DNM1: variants seen among roughly 807,000 people sequenced by gnomAD.
DNM1 encodes the protein dynamin 1.
A neutral mutation model predicts 104.6 loss-of-function variants in DNM1; 29 were observed. That is an observed-to-expected ratio of 0.28 (90% CI 0.21 to 0.38). The LOEUF (loss-of-function observed/expected upper bound fraction) is 0.38. Ranked by LOEUF, DNM1 falls within the 10% of genes least tolerant of loss-of-function variation. The pLI is 1.00. For synonymous variants in DNM1, 445 were observed against 475.8 expected (o/e 0.94, Z 0.84); for missense variants, 640 against 1,189.4 (o/e 0.54, Z 6.79).
intron 1 of DNM1, among the ~76,000 whole-genome samples, chr9:128,216,575 T>C (rs1834617072): frequency 1.3e-5 from 2 of 152,158 alleles, no homozygotes; most frequent in Admixed American, 1.3e-4. Context: ...ATGATGAATA[T>C]ACACAGGGCT....
chr9:128,225,079 C>A (rs117142616), intron 10 of DNM1, among the ~76,000 whole-genome samples: 217 of 152,266 alleles, frequency 1.4e-3, no homozygotes, highest in South Asian at 5.6e-3. Flanking sequence ...TTTCACAGCA[C>A]GAACACTGAA....
At position 128,245,094 on chromosome 9, in the gene DNM1, C is replaced by A. The variant is rs373054565; in HGVS notation, c.1672-1300C>A. 2 of 236,794 alleles carry A rather than the reference C, an allele frequency of 8.4e-6. No individual in the cohort carries two copies. The highest frequency in any genetic ancestry group is 1.1e-4 in the East Asian group (1 of 9,356). The allele number at this position is 236,794 out of a possible 1,614,324, so 14.7% of individuals were successfully genotyped here. A position where few individuals can be genotyped will look rare whatever the true frequency, so the allele number is the denominator to read the frequency against. On this transcript the variant is annotated intron_variant, in intron 15 of 21. Transcript: ENST00000372923. This position sits in a 1 kb window ranked among gnomAD's most constrained non-coding sequence, Gnocchi z 5.2. ...GGAGGAGGCCGCTCCTACCTAGTGTCCAACCCCGAAGCACAGGGCGGGTGG... is the reference window on the plus strand; with the variant it reads ...GGAGGAGGCCGCTCCTACCTAGTGTACAACCCCGAAGCACAGGGCGGGTGG...
rs752571525 is a variant in DNM1, at chr9:128,244,985, T to G, written c.1672-1409T>G. The G allele has an allele frequency of 1.4e-5, 4 of 277,586 alleles. No individual in the cohort carries two copies. The East Asian group carries it at 2.9e-4, about 20-fold the overall frequency. 17.2% of individuals were successfully genotyped at this position (277,586 alleles called of 1,614,324 possible). A position where few individuals can be genotyped will look rare whatever the true frequency, so the allele number is the denominator to read the frequency against. On this transcript the variant is annotated intron_variant, in intron 15 of 21. Coordinates refer to ENST00000372923, the MANE Select transcript of DNM1 (RefSeq NM_004408.4). Reference sequence around the variant, plus strand: ...CTCCCAACTCCCCTTCTGCCTCCTTTGACGTGGCAGGGGTGAGCGGGAGCT... The same window carrying G: ...CTCCCAACTCCCCTTCTGCCTCCTTGGACGTGGCAGGGGTGAGCGGGAGCT...
At chr9:128,242,914 G>A (rs1836468796) in intron 15 of DNM1, among the ~76,000 whole-genome samples, 1 of 151,980 alleles carries the variant, frequency 6.6e-6, no homozygotes, top group African/African-American at 2.4e-5. Context: ...GGGAGGGTGG[G>A]CAGGGGACTT....
intron 21 of DNM1, chr9:128,251,632 A>ACCCC (rs200535768): frequency 2.0e-4 from 24 of 120,798 alleles, no homozygotes; most frequent in Admixed American, 8.1e-4. Context: ...CCTCCCCCCA[A>ACCCC]CCACCCCCTC....
At chr9:128,206,996 A>G (rs1834011572) in intron 1 of DNM1, among the ~76,000 whole-genome samples, 1 of 151,876 alleles carries the variant, frequency 6.6e-6, no homozygotes. Flanking sequence ...CAGAAGGAGA[A>G]TGGTGGGTGG....
chr9:128,214,006 A>G (rs890904800), intron 1 of DNM1, among the ~76,000 whole-genome samples: 1 of 151,766 alleles, frequency 6.6e-6, no homozygotes, highest in Non-Finnish European at 1.5e-5. Context: ...TTCTTGGCCT[A>G]CCCACTCCCT....
At chr9:128,214,833 G>A (rs1564325046) in intron 1 of DNM1, among the ~76,000 whole-genome samples, 1 of 152,248 alleles carries the variant, frequency 6.6e-6, no homozygotes, top group African/African-American at 2.4e-5. Flanking sequence ...AGGCTGGTGG[G>A]CCTGATACTT....
At chr9:128,221,904 A>G (rs1005424268) in intron 6 of DNM1, among the ~76,000 whole-genome samples, 2 of 152,162 alleles carry the variant, frequency 1.3e-5, no homozygotes, top group Non-Finnish European at 2.9e-5. Flanking sequence ...GTCTCAAAAA[A>G]ATAATAATAA....
intron 15 of DNM1, chr9:128,244,714 G>A (rs773377969): frequency 9.4e-6 from 5 of 529,874 alleles, no homozygotes; most frequent in African/African-American, 5.8e-5. Context: ...CTCCAGTGGC[G>A]GCGGTGCCGA....
chr9:128,236,068 C>T (rs1186637020), intron 11 of DNM1, among the ~76,000 whole-genome samples: 2 of 152,126 alleles, frequency 1.3e-5, no homozygotes, highest in Non-Finnish European at 2.9e-5. Flanking sequence ...CTCTTTGGGC[C>T]TCTCTTTGTC....
chr9:128,250,990 G>A (rs1224561961), intron 21 of DNM1, 50 bp downstream of exon 21: 4 of 1,158,690 alleles, frequency 3.5e-6, no homozygotes, highest in Non-Finnish European at 4.9e-6. Context: ...GGGCGTGGCC[G>A]GGAGGGAAAT....
intron 10 of DNM1, chr9:128,232,199 C>T: frequency 2.6e-6 from 1 of 385,990 alleles, no homozygotes; most frequent in East Asian, 7.5e-5. Flanking sequence ...CTCCTCCAAA[C>T]TCTACCCTGG....
intron 4 of DNM1, among the ~76,000 whole-genome samples, chr9:128,219,536 G>T (rs550297155): frequency 6.6e-6 from 1 of 152,094 alleles, no homozygotes; most frequent in South Asian, 2.1e-4. Flanking sequence ...GGGCACCGTG[G>T]TGCACGCTTG....
rs370675238 is a variant in DNM1 at position 128,245,048 on chromosome 9, G to C, written c.1672-1346G>C. The C allele has an allele frequency of 7.6e-6, 2 of 263,504 alleles. No homozygotes were observed. Among genetic ancestry groups the C allele is most frequent in the Non-Finnish European group, 1.6e-5 (2 of 126,740 alleles). 16.3% of individuals were successfully genotyped at this position (263,504 alleles called of 1,614,324 possible). A position where few individuals can be genotyped will look rare whatever the true frequency, so the allele number is the denominator to read the frequency against. On this transcript the variant is annotated intron_variant, in intron 15 of 21. Coordinates refer to ENST00000372923, the MANE Select transcript of DNM1 (RefSeq NM_004408.4). This position sits in a 1 kb window ranked among gnomAD's most constrained non-coding sequence, Gnocchi z 5.2. ...GAGGGGCCTGAGGAGGGGGCCGGCCGGCAGGAAGGGAGGGGTGGGGGGAGG... is the reference window on the plus strand; with the variant it reads ...GAGGGGCCTGAGGAGGGGGCCGGCCCGCAGGAAGGGAGGGGTGGGGGGAGG...
rs936441032 is a variant in DNM1, at chr9:128,240,205, C to G, written c.1557+209C>G. Among the ~76,000 whole-genome samples the G allele has an allele frequency of 2.6e-5, 4 of 152,220 alleles. No individual in the cohort carries two copies. The highest frequency in any genetic ancestry group is 9.7e-5 in the African/African-American group (4 of 41,450). On this transcript the variant is annotated intron_variant, in intron 14 of 21. Coordinates refer to ENST00000372923, the MANE Select transcript of DNM1 (RefSeq NM_004408.4). The surrounding 1 kb of genome is among the most constrained non-coding windows in gnomAD (Gnocchi z 5.1). ...GTGTGCACGAGCCAAGCACCTACTT[C>G]AGGCAGAGCTAGACCGTGTGGGGCT...
At chr9:128,244,900 C>T (rs763185585) in intron 15 of DNM1, 5 of 424,710 alleles carry the variant, frequency 1.2e-5, no homozygotes, top group African/African-American at 1.0e-4. Context: ...TCCGAGAACC[C>T]CCCAACCCCA....
At chr9:128,236,745 G>T (rs1836037848) in intron 11 of DNM1, among the ~76,000 whole-genome samples, 1 of 152,166 alleles carries the variant, frequency 6.6e-6, no homozygotes, top group Admixed American at 6.5e-5. Flanking sequence ...CTAGCTACAT[G>T]GGAGGCTGAG....
chr9:128,208,789 C>T (rs1834120479), intron 1 of DNM1, among the ~76,000 whole-genome samples: 1 of 152,100 alleles, frequency 6.6e-6, no homozygotes, highest in South Asian at 2.1e-4. Context: ...TTGCAAGGAG[C>T]CTGACATTGA....
Sources: allele counts gnomAD v4.1 joint callset (sites outside exome capture counted in the v4.1 genomes callset), GRCh38; gene constraint gnomAD v4.1.1; non-coding constraint Gnocchi (gnomAD v3.1); transcripts MANE v1.5; gene names NCBI Gene and HGNC (gene_info 2026-07-23, HGNC 2026-07-21).